Variants in TAOK1 observed in about 807,000 individuals in gnomAD.
The protein encoded by TAOK1 is serine/threonine-protein kinase TAO1.
Under a neutral mutation model 138.3 loss-of-function variants are expected in TAOK1, and 21 were observed. The observed-to-expected ratio is 0.15, with a 90% CI of 0.11 to 0.22. The LOEUF is 0.22. Ranked by LOEUF, TAOK1 falls within the 10% of genes least tolerant of loss-of-function variation. The probability of loss-of-function intolerance (pLI) is 1.00; values close to 1 mark genes in which losing one functional copy is unlikely to be tolerated. For synonymous variants in TAOK1, 361 were observed against 398.4 expected, an observed-to-expected ratio of 0.91 and a Z score of 1.12; for missense variants, 651 against 1,227.7, an observed-to-expected ratio of 0.53 and a Z score of 7.02.
At chr17:29,526,262 G>A (rs762565236) in intron 17 of TAOK1, among the ~76,000 whole-genome samples, 5 of 151,994 alleles carry the variant, frequency 3.3e-5, no homozygotes, top group Non-Finnish European at 7.4e-5. Flanking sequence ...TCCAGCCTGG[G>A]CAACAAGGGC....
In TAOK1 at chr17:29,472,580, T is replaced by TG. The variant is rs899882310; in HGVS notation, c.205-3090_205-3089insG. 2.9e-4 allele frequency among the ~76,000 whole-genome samples: 42 copies of TG among 147,210 alleles called. 1 individual carries two copies. The highest frequency in any genetic ancestry group is 3.6e-3 in the Middle Eastern group (1 of 280). ...TATAGCCTTTCTTTCTTTCTTTTTT[T>TG]TTTTTTTTTTGAGATGGAGTTTCGC... On this transcript the variant is annotated intron_variant, in intron 3 of 19. Transcript: ENST00000261716.
At position 29,531,372 on chromosome 17, in the gene TAOK1, G is replaced by A. The variant is rs538199989; in HGVS notation, c.2361+753G>A. 1.5e-3 allele frequency among the ~76,000 whole-genome samples: 224 copies of A among 152,058 alleles called. 1 individual carries two copies. The highest frequency in any genetic ancestry group is 5.0e-3 in the African/African-American group (207 of 41,490). On this transcript the variant is annotated intron_variant, in intron 18 of 19. Transcript: ENST00000261716. Reference sequence around the variant, plus strand: ...CAACTCACTGCAACCTCCACCTCCCGGGTTCAAGGGGATTCTCCGTCCTTG... The same window carrying A: ...CAACTCACTGCAACCTCCACCTCCCAGGTTCAAGGGGATTCTCCGTCCTTG...
chr17:29,518,499 C>T (rs962769127), intron 16 of TAOK1, among the ~76,000 whole-genome samples: 2 of 152,100 alleles, frequency 1.3e-5, no homozygotes, highest in Non-Finnish European at 2.9e-5. Context: ...AGACAGACAA[C>T]TAACTAAATA....
Position 29,502,579 on chromosome 17 carries a change from T to G in TAOK1, c.1204-10T>G. On this transcript the variant is annotated splice_polypyrimidine_tract_variant and intron_variant, in intron 12 of 19. Transcript: ENST00000261716. Reference sequence around the variant, plus strand: ...CCTTACATAATATTGTCTTTTTTTTTTTTTCCTAGGAGGAAGAAAATTACA... The same window carrying G: ...CCTTACATAATATTGTCTTTTTTTTGTTTTCCTAGGAGGAAGAAAATTACA... 1 of 1,598,334 alleles carries G rather than the reference T, an allele frequency of 6.3e-7. No individual in the cohort carries two copies. The highest frequency in any genetic ancestry group is 1.1e-5 in the South Asian group (1 of 87,422).
rs1905186564 is a variant in TAOK1, at chr17:29,413,201, G to A, written c.-95+22177G>A. Reference sequence around the variant, plus strand: ...TCAATGTGGTCTGCCTTATAAAAAGGGAAATAAGACTCCATGGAAGTGTCT... The same window carrying A: ...TCAATGTGGTCTGCCTTATAAAAAGAGAAATAAGACTCCATGGAAGTGTCT... On this transcript the variant is annotated intron_variant, in intron 1 of 19. Transcript: ENST00000261716. Among the ~76,000 whole-genome samples, 2 of 152,076 alleles carry A rather than the reference G, an allele frequency of 1.3e-5. 1 individual carries two copies. The highest frequency in any genetic ancestry group is 2.9e-5 in the Non-Finnish European group (2 of 68,022).
chr17:29,418,930 CTTT>C (rs35692060), intron 1 of TAOK1, among the ~76,000 whole-genome samples: 10 of 105,482 alleles, frequency 9.5e-5, no homozygotes, highest in Admixed American at 9.5e-5. Flanking sequence ...GGGTGCTTTG[CTTT>C]TTTTTTTTTT....
chr17:29,510,772 CT>C, intron 14 of TAOK1, 91 bp from the exon 15 acceptor site: 1 of 934,482 alleles, frequency 1.1e-6, no homozygotes, highest in African/African-American at 1.7e-5. Flanking sequence ...ATTTCTTGTT[CT>C]TAGAAAATAA....
chr17:29,456,611 G>C (rs2030383204), intron 2 of TAOK1, among the ~76,000 whole-genome samples: 1 of 150,688 alleles, frequency 6.6e-6, no homozygotes, highest in Admixed American at 6.6e-5. Context: ...TACCCAGCCA[G>C]TAAGTGTAAT....
intron 15 of TAOK1, among the ~76,000 whole-genome samples, chr17:29,515,933 A>G (rs2031805598): frequency 6.6e-6 from 1 of 151,982 alleles, no homozygotes; most frequent in Admixed American, 6.6e-5. Flanking sequence ...TTATTTGTTT[A>G]TTTTAATTTT....
chr17:29,446,913 T>TCC (rs2030095413), intron 1 of TAOK1, among the ~76,000 whole-genome samples: 1 of 151,576 alleles, frequency 6.6e-6, no homozygotes, highest in Admixed American at 6.6e-5. Context: ...TAATTTTTAG[T>TCC]ATTTTTAGTA....
chr17:29,439,749 G>A (rs74453428), intron 1 of TAOK1, among the ~76,000 whole-genome samples: 5,595 of 151,322 alleles, frequency 0.037, 365 homozygotes, highest in African/African-American at 0.13. Context: ...TAATTACAGG[G>A]CAAGGACTAC....
intron 19 of TAOK1, among the ~76,000 whole-genome samples, chr17:29,536,463 G>A (rs892805997): frequency 4.0e-5 from 6 of 151,286 alleles, no homozygotes; most frequent in African/African-American, 1.5e-4. Context: ...ACCCGGGCAT[G>A]ATGGCGGGTG....
chr17:29,434,561 G>A (rs1181146692), intron 1 of TAOK1, among the ~76,000 whole-genome samples: 1 of 152,094 alleles, frequency 6.6e-6, no homozygotes, highest in African/African-American at 2.4e-5. Flanking sequence ...GTGCCACCAT[G>A]AGTACCAAAG....
intron 16 of TAOK1, among the ~76,000 whole-genome samples, chr17:29,521,185 A>G (rs2031909038): frequency 6.6e-6 from 1 of 152,206 alleles, no homozygotes; most frequent in Admixed American, 6.5e-5. Flanking sequence ...AACTTGGGGA[A>G]GGTTGAGAAG....
intron 14 of TAOK1, 45 bp downstream of exon 14, chr17:29,508,177 T>C (rs1449416212): frequency 1.3e-6 from 2 of 1,535,464 alleles, no homozygotes; most frequent in African/African-American, 2.7e-5. Flanking sequence ...AGGTTTTGAA[T>C]GTCTCAGAAT....
intron 1 of TAOK1, among the ~76,000 whole-genome samples, chr17:29,443,034 T>G (rs1598483018): frequency 1.3e-5 from 2 of 152,174 alleles, no homozygotes; most frequent in East Asian, 3.8e-4. Flanking sequence ...CGAGGGAGGA[T>G]ATAGTAGATA....
rs537997037 is a variant in TAOK1 at position 29,533,169 on chromosome 17, C to T, written c.2362-949C>T. Among the ~76,000 whole-genome samples the T allele has an allele frequency of 2.5e-3, 356 of 143,038 alleles. 3 individuals carry two copies. Among genetic ancestry groups the T allele is most frequent in the African/African-American group, 8.1e-3 (309 of 38,108 alleles). 93.8% of individuals were successfully genotyped at this position (143,038 alleles called of 152,430 possible). ...GCTCCTCACCTCCCAGATGGGGTCG[C>T]GGCCGGGCAGAGGCGCTCCTCACAT... On this transcript the variant is annotated intron_variant, in intron 18 of 19. Transcript: ENST00000261716.
At chr17:29,463,947 G>A (rs1393971487) in intron 2 of TAOK1, among the ~76,000 whole-genome samples, 1 of 152,134 alleles carries the variant, frequency 6.6e-6, no homozygotes, top group African/African-American at 2.4e-5. Context: ...AAATGGCCAA[G>A]AAACACATGA....
intron 1 of TAOK1, among the ~76,000 whole-genome samples, chr17:29,394,150 G>GTTTTGTTTTTT (rs1904514488): frequency 1.2e-4 from 6 of 48,246 alleles, no homozygotes; most frequent in Non-Finnish European, 2.2e-4. Flanking sequence ...TAATTTGCCA[G>GTTTTGTTTTTT]TTTTTTTTTT....
Sources: gnomAD v4.1 joint callset for allele counts (sites outside exome capture counted in the v4.1 genomes callset) on GRCh38, gnomAD v4.1.1 for gene constraint, MANE v1.5 for transcripts, NCBI Gene and HGNC (gene_info 2026-07-23, HGNC 2026-07-21) for gene names.